Variants in GULP1 observed in about 807,000 individuals in gnomAD.
GULP1 encodes PTB domain-containing engulfment adapter protein 1.
In GULP1, 19 loss-of-function variants were observed where a neutral mutation model predicts 40.9. The observed-to-expected ratio is 0.46, with a 90% confidence interval of 0.32 to 0.68. The LOEUF is 0.68. GULP1 is among the 30% of genes least tolerant of loss of function. GULP1 has a pLI of 0.03. For missense variants in GULP1, 312 were observed against 362.2 expected, an observed-to-expected ratio of 0.86 and a Z score of 1.12; for synonymous variants, 119 against 117.6, an observed-to-expected ratio of 1.01 and a Z score of -0.08.
At chr2:188,397,454 G>T (rs1291727440) in intron 2 of GULP1, among the ~76,000 whole-genome samples, 1 of 152,188 alleles carries the variant, frequency 6.6e-6, no homozygotes, top group South Asian at 2.1e-4. Flanking sequence ...TGAGGACTGG[G>T]TCATTATTTA....
At chr2:188,550,715 T>TA (rs1298374589) in intron 7 of GULP1, among the ~76,000 whole-genome samples, 1 of 151,312 alleles carries the variant, frequency 6.6e-6, no homozygotes, top group Non-Finnish European at 1.5e-5. Context: ...AGAAGGTGTT[T>TA]ACTGCATATT....
intron 1 of GULP1, among the ~76,000 whole-genome samples, chr2:188,314,559 T>C (rs2038758797): frequency 6.6e-6 from 1 of 152,158 alleles, no homozygotes; most frequent in African/African-American, 2.4e-5. Flanking sequence ...ACTTGTGCTT[T>C]TACCGACTAC....
intron 7 of GULP1, among the ~76,000 whole-genome samples, chr2:188,551,585 TA>T (rs982989584): frequency 5.3e-5 from 8 of 151,810 alleles, no homozygotes; most frequent in Admixed American, 2.6e-4. Context: ...GGCGGACATT[TA>T]GGTTGATTCC....
intron 2 of GULP1, among the ~76,000 whole-genome samples, chr2:188,470,722 C>T (rs67120389): frequency 0.039 from 5,982 of 152,166 alleles, 151 homozygotes; most frequent in Middle Eastern, 0.1. Context: ...GTATAGTTTT[C>T]AGAATTCTTC....
chr2:188,302,335 A>G (rs1008016613), intron 1 of GULP1, among the ~76,000 whole-genome samples: 3 of 152,186 alleles, frequency 2.0e-5, no homozygotes, highest in African/African-American at 7.2e-5. Flanking sequence ...TAAATTTAAA[A>G]TTTTTTGAAA....
intron 1 of GULP1, among the ~76,000 whole-genome samples, chr2:188,355,983 A>AC (rs2045249209): frequency 6.6e-6 from 1 of 152,072 alleles, no homozygotes; most frequent in Non-Finnish European, 1.5e-5. Flanking sequence ...AATTCAACAC[A>AC]TCTGTTCATA....
chr2:188,413,126 T>C (rs949726598), intron 2 of GULP1, among the ~76,000 whole-genome samples: 1 of 152,216 alleles, frequency 6.6e-6, no homozygotes, highest in African/African-American at 2.4e-5. Context: ...ATATATGTTA[T>C]GATTTATGCA....
intron 7 of GULP1, among the ~76,000 whole-genome samples, chr2:188,549,307 A>G (rs1195313000): frequency 6.6e-6 from 1 of 151,902 alleles, no homozygotes; most frequent in Admixed American, 6.6e-5. Context: ...ACTCAACAAT[A>G]TGAAAACAAT....
intron 4 of GULP1, among the ~76,000 whole-genome samples, chr2:188,490,762 A>G (rs1402211097): frequency 6.6e-6 from 1 of 151,970 alleles, no homozygotes; most frequent in Non-Finnish European, 1.5e-5. Flanking sequence ...TTTATCATTT[A>G]TTTCATATTT....
chr2:188,415,572 C>A (rs1019223900), intron 2 of GULP1, among the ~76,000 whole-genome samples: 14 of 151,046 alleles, frequency 9.3e-5, no homozygotes, highest in African/African-American at 3.4e-4. Context: ...CACTGTAGAG[C>A]AAAGCTGAAA....
intron 2 of GULP1, among the ~76,000 whole-genome samples, chr2:188,395,182 C>G (rs1467272865): frequency 6.6e-6 from 1 of 152,110 alleles, no homozygotes; most frequent in African/African-American, 2.4e-5. Context: ...TCGGAGGCAC[C>G]TGAACTCCCC....
intron 5 of GULP1, among the ~76,000 whole-genome samples, chr2:188,528,896 C>G (rs964874601): frequency 6.6e-6 from 1 of 152,044 alleles, no homozygotes; most frequent in Non-Finnish European, 1.5e-5. Flanking sequence ...AAAAAACTTG[C>G]TGAAAATCAA....
At chr2:188,570,149 A>C (rs373024772) in intron 9 of GULP1, 29 bp downstream of exon 9, 1 of 893,200 alleles carries the variant, frequency 1.1e-6, no homozygotes, top group Non-Finnish European at 1.8e-6. Context: ...CTTAGAAACA[A>C]GATTTTATGG....
At chr2:188,400,953 G>C (rs1471883820) in intron 2 of GULP1, among the ~76,000 whole-genome samples, 2 of 151,014 alleles carry the variant, frequency 1.3e-5, no homozygotes, top group Non-Finnish European at 3.0e-5. Context: ...GTGTGTGTGT[G>C]TGTGTGTGTG....
chr2:188,567,969 T>C, intron 7 of GULP1, among the ~76,000 whole-genome samples: 1 of 152,298 alleles, frequency 6.6e-6, no homozygotes, highest in East Asian at 1.9e-4. Context: ...TTGGTATCTG[T>C]CATTTTCATT....
At chr2:188,376,955 T>C (rs2048365537) in intron 1 of GULP1, among the ~76,000 whole-genome samples, 1 of 152,172 alleles carries the variant, frequency 6.6e-6, no homozygotes, top group Non-Finnish European at 1.5e-5. Context: ...TGACAGATCA[T>C]GAGGTCAGGA....
intron 1 of GULP1, among the ~76,000 whole-genome samples, chr2:188,324,917 G>A (rs990987867): frequency 6.6e-6 from 1 of 151,884 alleles, no homozygotes; most frequent in Non-Finnish European, 1.5e-5. Context: ...AGAAGACATT[G>A]GTATAATGTA....
intron 3 of GULP1, among the ~76,000 whole-genome samples, chr2:188,481,642 T>C (rs2061454935): frequency 6.6e-6 from 1 of 151,934 alleles, no homozygotes; most frequent in African/African-American, 2.4e-5. Flanking sequence ...TAGTGGTTTA[T>C]AGGAGAAAGA....
At chr2:188,455,676 A>G (rs1469010078) in intron 2 of GULP1, among the ~76,000 whole-genome samples, 2 of 152,192 alleles carry the variant, frequency 1.3e-5, no homozygotes, top group African/African-American at 4.8e-5. Flanking sequence ...GTACCAGTAG[A>G]GTGGGGCACT....
Sources: allele counts gnomAD v4.1 joint callset (sites outside exome capture counted in the v4.1 genomes callset), GRCh38; gene constraint gnomAD v4.1.1; transcripts MANE v1.5; gene names NCBI Gene and HGNC (gene_info 2026-07-23, HGNC 2026-07-21).